Variants in OR6Y1 observed in about 807,000 individuals in gnomAD.
The protein encoded by OR6Y1 is olfactory receptor family 6 subfamily Y member 1, also known as olfactory receptor 6Y1.
OR6Y1 carries 1 observed loss-of-function variant against 0.4 expected under a neutral mutation model. The observed-to-expected ratio is 2.74, with a 90% CI of 0.97 to 13.02. The LOEUF (loss-of-function observed/expected upper bound fraction) is 13.02. OR6Y1 is among the 30% of genes most tolerant of loss of function. The pLI is 0.12. For missense variants in OR6Y1, 480 were observed against 399.8 expected, an observed-to-expected ratio of 1.20 and a Z score of -1.71; for synonymous variants, 173 against 141.1, an observed-to-expected ratio of 1.23 and a Z score of -1.60.
intron 1 of OR6Y1, among the ~76,000 whole-genome samples, chr1:158,552,114 G>A (rs1018249836): frequency 1.3e-5 from 2 of 151,788 alleles, no homozygotes; most frequent in Non-Finnish European, 2.9e-5. Flanking sequence ...TTTGAAAATA[G>A]CTGTAAGGTC....
intron 1 of OR6Y1, among the ~76,000 whole-genome samples, chr1:158,551,767 A>ACACACACAC (rs34986210): frequency 6.4e-5 from 7 of 109,156 alleles, no homozygotes; most frequent in Non-Finnish European, 9.3e-5. Context: ...CACACACACA[A>ACACACACAC]ACACACATTG....
rs1647586956 is a variant in OR6Y1, at chr1:158,547,701, T to C, written c.405A>G (p.Leu135=). 6.2e-7 allele frequency: 1 copy of C among 1,613,430 alleles called. No homozygotes were observed. ...FDRYVAICNP[L]RYPVIMTNQL... ...GGTTGGTCATGATGACTGGGTAGCGTAGTGGATTACAAATGGCTACATAGC... is the reference window on the plus strand; with the variant it reads ...GGTTGGTCATGATGACTGGGTAGCGCAGTGGATTACAAATGGCTACATAGC... Residue 135 remains leucine, a synonymous_variant, in exon 2 of 2, where the codon CTA becomes CTG. Coordinates refer to ENST00000641622, the MANE Select transcript of OR6Y1 (RefSeq NM_001005189.2).
rs886503131 is a variant in OR6Y1, at chr1:158,547,694, G to T, written c.412C>A (p.Pro138Thr). 1.5e-5 allele frequency: 25 copies of T among 1,613,364 alleles called. No individual in the cohort carries two copies. Among genetic ancestry groups the T allele is most frequent in the Non-Finnish European group, 2.0e-5 (24 of 1,179,982 alleles). ...YVAICNPLRY[P>T]VIMTNQLCGT... ...CAGAGCTGGTTGGTCATGATGACTG[G>T]GTAGCGTAGTGGATTACAAATGGCT... The change falls in exon 2 of 2, where the codon CCA (proline) becomes ACA (threonine). Residue 138 changes from proline to threonine, a missense_variant. Coordinates refer to ENST00000641622, the MANE Select transcript of OR6Y1 (RefSeq NM_001005189.2).
At position 158,546,075 on chromosome 1, in the gene OR6Y1, G is replaced by GT. The variant is rs1350619130; in HGVS notation, c.*1052dup. The GT allele has an allele frequency of 6.6e-6, 1 of 152,128 alleles. No homozygotes were observed. Among genetic ancestry groups the GT allele is most frequent in the Non-Finnish European group, 1.5e-5 (1 of 68,046 alleles). 9.4% of individuals were successfully genotyped at this position (152,128 alleles called of 1,614,324 possible). ...ATAGATGCATTACTGCAGAAACATGGTTGCTCTCTGCCCTGTGTGTGTGCA... is the reference window on the plus strand; with the variant it reads ...ATAGATGCATTACTGCAGAAACATGGTTTGCTCTCTGCCCTGTGTGTGTGCA... On this transcript the variant is annotated 3_prime_UTR_variant, in exon 2 of 2. Transcript: ENST00000641622.
chr1:158,548,109 T>C lies in OR6Y1; in HGVS notation c.-4A>G, dbSNP rs780848756. The C allele has an allele frequency of 3.7e-6, 6 of 1,608,470 alleles. No homozygotes were observed. The African/African-American group carries it at 6.7e-5, about 18-fold the overall frequency. On this transcript the variant is annotated 5_prime_UTR_variant, in exon 2 of 2. Coordinates refer to ENST00000641622, the MANE Select transcript of OR6Y1 (RefSeq NM_001005189.2). ...CTTCCAGAATTATGGTGGTCATGAC[T>C]GGCTGTGGGCACAGACAAAGTCAGT...
rs768728150 is a variant in OR6Y1 at position 158,547,132 on chromosome 1, CT to C, written c.973del (p.Ser325ValfsTer11). On this transcript the variant is annotated frameshift_variant, in exon 2 of 2. Coordinates refer to ENST00000641622, the MANE Select transcript of OR6Y1 (RefSeq NM_001005189.2). LOFTEE classifies it high-confidence loss of function. Reference sequence around the variant, plus strand: ...TGAAAGGAATCTATACATTTTTTAACTACTGAAAGCCCCATTTCCCTGGGGC... The same window carrying C: ...TGAAAGGAATCTATACATTTTTTAACACTGAAAGCCCCATTTCCCTGGGGC... Reference protein sequence around the residue: ...SGPQGNGAFSS With the variant: ...SGPQGNGAFSX The C allele has an allele frequency of 3.2e-5, 52 of 1,609,522 alleles. No individual in the cohort carries two copies. Among genetic ancestry groups the C allele is most frequent in the Non-Finnish European group, 4.3e-5 (51 of 1,178,660 alleles).
rs541248724 is a variant in OR6Y1, at chr1:158,544,936, T to C, written c.*2192A>G. On this transcript the variant is annotated 3_prime_UTR_variant, in exon 2 of 2. Transcript: ENST00000641622. ...CACATTTTCTTTATCCAGTCTATTA[T>C]TGATGGGCATTGTGGTTGGTTCCAT... 6.6e-6 allele frequency: 1 copy of C among 152,332 alleles called. No individual in the cohort carries two copies. Among genetic ancestry groups the C allele is most frequent in the Admixed American group, 6.5e-5 (1 of 15,298 alleles). The allele number at this position is 152,332 out of a possible 1,614,324, so 9.4% of individuals were successfully genotyped here.
In OR6Y1 at chr1:158,548,970, C is replaced by T. The variant is rs1647629239; in HGVS notation, c.-865G>A. On this transcript the variant is annotated 5_prime_UTR_variant, in exon 2 of 2. It introduces an in-frame stop codon into an upstream open reading frame of the 5' UTR. Transcript: ENST00000641622. ...ACCTTTCCAGGCTACTTTACTTACC[C>T]CACATACATAGCTCCTCCTCCTTTT... is the stretch of plus-strand genomic sequence containing the variant. The T allele has an allele frequency of 6.6e-6, 1 of 151,562 alleles. No individual in the cohort carries two copies. The highest frequency in any genetic ancestry group is 2.1e-4 in the South Asian group (1 of 4,818). 9.4% of individuals were successfully genotyped at this position (151,562 alleles called of 1,614,324 possible). A position where few individuals can be genotyped will look rare whatever the true frequency, so the allele number is the denominator to read the frequency against.
chr1:158,550,217 TCC>T (rs1647666434), intron 1 of OR6Y1, among the ~76,000 whole-genome samples: 1 of 65,352 alleles, frequency 1.5e-5, no homozygotes, highest in Non-Finnish European at 3.0e-5. Flanking sequence ...TATTCTCCAT[TCC>T]TTTGCAATAG....
Position 158,547,438 on chromosome 1 carries a change from T to A in OR6Y1, c.668A>T (p.Tyr223Phe). ...GAGGATGGTGGCAAGGATAGCAGCG[T>A]AGGATGCCACCACAACACAAAGAGG... is the stretch of plus-strand genomic sequence containing the variant. ...AIPLCVVVAS[Y>F]AAILATILRI... Residue 223 changes from tyrosine to phenylalanine, a missense_variant, in exon 2 of 2, where the codon TAC becomes TTC. By Grantham distance (22) the Tyr-to-Phe change is conservative. Coordinates refer to ENST00000641622, the MANE Select transcript of OR6Y1 (RefSeq NM_001005189.2). The A allele has an allele frequency of 6.2e-7, 1 of 1,613,314 alleles. No individual in the cohort carries two copies. Among genetic ancestry groups the A allele is most frequent in the Non-Finnish European group, 8.5e-7 (1 of 1,179,942 alleles).
At position 158,545,624 on chromosome 1, in the gene OR6Y1, ACT is replaced by A. The variant is rs1288009299; in HGVS notation, c.*1502_*1503del. The A allele has an allele frequency of 1.3e-5, 2 of 152,016 alleles. No individual in the cohort carries two copies. Among genetic ancestry groups the A allele is most frequent in the Admixed American group, 1.3e-4 (2 of 15,260 alleles). The allele number at this position is 152,016 out of a possible 1,614,324, so 9.4% of individuals were successfully genotyped here. A position where few individuals can be genotyped will look rare whatever the true frequency, so the allele number is the denominator to read the frequency against. Reference sequence around the variant, plus strand: ...AAGTGTCTGTTCACATCCTTTGCCCACTTTTAAATGGAGTTGTTTGTTTTCAT... The same window carrying A: ...AAGTGTCTGTTCACATCCTTTGCCCATTTAAATGGAGTTGTTTGTTTTCAT... On this transcript the variant is annotated 3_prime_UTR_variant, in exon 2 of 2. Transcript: ENST00000641622.
chr1:158,551,073 G>A (rs1647691904), intron 1 of OR6Y1, among the ~76,000 whole-genome samples: 1 of 151,232 alleles, frequency 6.6e-6, no homozygotes, highest in African/African-American at 2.4e-5. Context: ...ATAATCCACT[G>A]ATTTTTGTGT....
Position 158,547,853 on chromosome 1 carries a change from TG to T in OR6Y1, c.252del (p.Lys85ArgfsTer19). On this transcript the variant is annotated frameshift_variant, in exon 2 of 2. Transcript: ENST00000641622. LOFTEE classifies it high-confidence loss of function. ...TGACTGAGGAAGTCAACAAGCATCTTGGGGCTGATGACTGTGACATACCACA... is the reference window on the plus strand; with the variant it reads ...TGACTGAGGAAGTCAACAAGCATCTTGGGCTGATGACTGTGACATACCACA... ...LEMWYVTVIS[P>X]KMLVDFLSHD... The T allele has an allele frequency of 6.2e-7, 1 of 1,613,546 alleles. No homozygotes were observed. The highest frequency in any genetic ancestry group is 8.5e-7 in the Non-Finnish European group (1 of 1,179,992).
chr1:158,547,671 G>T lies in OR6Y1; in HGVS notation c.435C>A (p.Leu145=). The T allele has an allele frequency of 6.2e-7, 1 of 1,613,546 alleles. No homozygotes were observed. Among genetic ancestry groups the T allele is most frequent in the African/African-American group, 1.3e-5 (1 of 74,556 alleles). The change falls in exon 2 of 2, where the codon CTC becomes CTA. Residue 145 remains leucine (L), a synonymous_variant. Coordinates refer to ENST00000641622, the MANE Select transcript of OR6Y1 (RefSeq NM_001005189.2). The part of the protein sequence containing the change: ...LRYPVIMTNQ[L]CGTLAGGCWF... The stretch of plus-strand genomic sequence containing the variant: ...AGCATCCTCCAGCCAGTGTGCCACA[G>T]AGCTGGTTGGTCATGATGACTGGGT...
chr1:158,547,590 G>C lies in OR6Y1; in HGVS notation c.516C>G (p.His172Gln). ...MIKMVFIAQL[H>Q]YCGMPQINHY... ...GATTGATCTGAGGCATGCCACAGTA[G>C]TGAAGTTGTGCTATAAAAACCATCT... The change falls in exon 2 of 2, where the codon CAC (histidine) becomes CAG (glutamine). Residue 172 changes from histidine to glutamine, a missense_variant. Physicochemically the swap from His to Gln is conservative, Grantham distance 24 (BLOSUM62 0). Coordinates refer to ENST00000641622, the MANE Select transcript of OR6Y1 (RefSeq NM_001005189.2). 1.2e-6 allele frequency: 2 copies of C among 1,613,264 alleles called. No homozygotes were observed. The highest frequency in any genetic ancestry group is 1.7e-6 in the Non-Finnish European group (2 of 1,179,892).
At chr1:158,552,163 C>A (rs1399974114) in intron 1 of OR6Y1, among the ~76,000 whole-genome samples, 1 of 151,024 alleles carries the variant, frequency 6.6e-6, no homozygotes, top group Non-Finnish European at 1.5e-5. Flanking sequence ...ACCCCCATTA[C>A]CCCTGTCTCA....
rs757821761 is a variant in OR6Y1 at position 158,547,944 on chromosome 1, G to A, written c.162C>T (p.Ile54=). ...GCTTATGCAGCTGCCCATCACTGTG[G>A]ATAGCTAAGATGATAAGAAGATTCT... is the stretch of plus-strand genomic sequence containing the variant. ...LLENLLIILA[I]HSDGQLHKPM... is the part of the protein sequence containing the mutation. The change falls in exon 2 of 2, where the codon ATC becomes ATT. Residue 54 remains isoleucine (I), a synonymous_variant. Coordinates refer to ENST00000641622, the MANE Select transcript of OR6Y1 (RefSeq NM_001005189.2). 6.2e-7 allele frequency: 1 copy of A among 1,613,538 alleles called. No individual in the cohort carries two copies. The highest frequency in any genetic ancestry group is 2.2e-5 in the East Asian group (1 of 44,874).
At position 158,547,070 on chromosome 1, in the gene OR6Y1, G is replaced by C. The variant is rs1647556651; in HGVS notation, c.*58C>G. Reference sequence around the variant, plus strand: ...GGGGATAACCAAAGACAAGACTGAGGGGGAAAGTGTGTAGTGATCATCTCT... The same window carrying C: ...GGGGATAACCAAAGACAAGACTGAGCGGGAAAGTGTGTAGTGATCATCTCT... On this transcript the variant is annotated 3_prime_UTR_variant, in exon 2 of 2. Coordinates refer to ENST00000641622, the MANE Select transcript of OR6Y1 (RefSeq NM_001005189.2). The C allele has an allele frequency of 1.3e-6, 2 of 1,524,096 alleles. No homozygotes were observed. Among genetic ancestry groups the C allele is most frequent in the Non-Finnish European group, 1.8e-6 (2 of 1,126,912 alleles). 94.4% of individuals were successfully genotyped at this position (1,524,096 alleles called of 1,614,324 possible). A position where few individuals can be genotyped will look rare whatever the true frequency, so the allele number is the denominator to read the frequency against.
At chr1:158,552,767 C>T (rs1647735868) in intron 1 of OR6Y1, among the ~76,000 whole-genome samples, 1 of 151,990 alleles carries the variant, frequency 6.6e-6, no homozygotes, top group South Asian at 2.1e-4. Context: ...TCTACTAATT[C>T]CTGCAGGGAG....
Sources: gnomAD v4.1 joint callset for allele counts (sites outside exome capture counted in the v4.1 genomes callset) on GRCh38, gnomAD v4.1.1 for gene constraint, MANE v1.5 for transcripts, NCBI Gene and HGNC (gene_info 2026-07-23, HGNC 2026-07-21) for gene names.